The following WDR17 variants were observed in gnomAD, a reference collection of about 807,000 sequenced individuals.
WDR17 encodes the protein WD repeat-containing protein 17.
WDR17 carries 143 observed loss-of-function variants against 161.7 expected under a neutral mutation model. The observed-to-expected ratio is 0.88, with a 90% CI of 0.77 to 1.02. The LOEUF (loss-of-function observed/expected upper bound fraction) is 1.02. Ranked by LOEUF, WDR17 falls within the 50% of genes least tolerant of loss-of-function variation. The pLI is 0.00. For missense variants in WDR17, 1,469 were observed against 1,520.9 expected (o/e 0.97, Z 0.57); for synonymous variants, 517 against 515.6 (o/e 1.00, Z -0.04).
At chr4:176,133,291 AG>A (rs1743845277) in intron 7 of WDR17, among the ~76,000 whole-genome samples, 1 of 144,478 alleles carries the variant, frequency 6.9e-6, no homozygotes, top group African/African-American at 2.5e-5. Context: ...GAAGAAGAAA[AG>A]AGAAAGGAAA....
chr4:176,078,719 G>C (rs770175466), intron 1 of WDR17, among the ~76,000 whole-genome samples: 1 of 151,910 alleles, frequency 6.6e-6, no homozygotes, highest in Non-Finnish European at 1.5e-5. Flanking sequence ...TTTGATCTTT[G>C]TCATGGGCTT....
chr4:176,117,599 A>C (rs1485289064), intron 3 of WDR17, among the ~76,000 whole-genome samples: 1 of 152,006 alleles, frequency 6.6e-6, no homozygotes, highest in Non-Finnish European at 1.5e-5. Flanking sequence ...ACATCCATTC[A>C]TGGGGGAAGA....
chr4:176,094,022 TTATAA>T (rs1418689946), intron 1 of WDR17, among the ~76,000 whole-genome samples: 5 of 152,300 alleles, frequency 3.3e-5, no homozygotes, highest in African/African-American at 1.2e-4. Context: ...TACACTGGAC[TTATAA>T]TAGTATAATA....
At chr4:176,103,389 A>T (rs1260637299) in intron 1 of WDR17, among the ~76,000 whole-genome samples, 2 of 152,178 alleles carry the variant, frequency 1.3e-5, no homozygotes, top group African/African-American at 4.8e-5. Flanking sequence ...GGGTTCAACA[A>T]AAAGCCACAA....
In WDR17 at chr4:176,119,819, A is replaced by G. The variant is rs202006261; in HGVS notation, c.308-48A>G. 697 of 1,500,800 alleles carry G rather than the reference A, an allele frequency of 4.6e-4. 2 individuals are homozygous for G. In the African/African-American group the frequency reaches 8.7e-3, roughly 19 times the overall value. The allele number at this position is 1,500,800 out of a possible 1,614,324, so 93.0% of individuals were successfully genotyped here. Reference sequence around the variant, plus strand: ...CAGGGCAAGTAATATTTAATGGTGTAATCTTATGCTGTATCTTTATTATGT... The same window carrying G: ...CAGGGCAAGTAATATTTAATGGTGTGATCTTATGCTGTATCTTTATTATGT... On this transcript the variant is annotated intron_variant, in intron 3 of 28. Coordinates refer to ENST00000508596, the MANE Select transcript of WDR17 (RefSeq NM_181265.4).
At chr4:176,178,984 G>A (rs908587789) in intron 28 of WDR17, among the ~76,000 whole-genome samples, 5 of 151,992 alleles carry the variant, frequency 3.3e-5, no homozygotes, top group Admixed American at 2.6e-4. Flanking sequence ...TATTTTAAAC[G>A]ATATATACAA....
chr4:176,177,294 T>C, intron 27 of WDR17, 138 bp downstream of exon 27: 1 of 978,400 alleles, frequency 1.0e-6, no homozygotes, highest in Non-Finnish European at 1.5e-6. Flanking sequence ...CAGTAATAAT[T>C]TACAATACCG....
At chr4:176,108,082 A>G (rs1739085667) in intron 1 of WDR17, among the ~76,000 whole-genome samples, 1 of 151,342 alleles carries the variant, frequency 6.6e-6, no homozygotes, top group African/African-American at 2.4e-5. Flanking sequence ...TCTATCACCC[A>G]GGCTGGAGTG....
intron 11 of WDR17, among the ~76,000 whole-genome samples, chr4:176,145,198 G>T (rs1407084454): frequency 6.6e-6 from 1 of 152,160 alleles, no homozygotes; most frequent in Non-Finnish European, 1.5e-5. Context: ...TAGAGTAGAT[G>T]TTCCTCAAAT....
chr4:176,127,928 C>A (rs1166234896), intron 5 of WDR17, among the ~76,000 whole-genome samples: 2 of 152,178 alleles, frequency 1.3e-5, no homozygotes, highest in Admixed American at 1.3e-4. Flanking sequence ...TTTCTGGCTT[C>A]TTTCACTTAA....
At position 176,066,077 on chromosome 4, in the gene WDR17, C is replaced by T. The variant is rs1382555839; in HGVS notation, c.-9C>T. The T allele has an allele frequency of 1.3e-5, 2 of 152,430 alleles. No homozygotes were observed. Among genetic ancestry groups the T allele is most frequent in the Non-Finnish European group, 2.9e-5 (2 of 68,232 alleles). The allele number at this position is 152,430 out of a possible 1,614,324, so 9.4% of individuals were successfully genotyped here. A position where few individuals can be genotyped will look rare whatever the true frequency, so the allele number is the denominator to read the frequency against. Reference sequence around the variant, plus strand: ...CCGCCGCTGCAGCCGCCTCCTCCTCCAGGTAAGAAGCCGGTGGGGCCGCAG... The same window carrying T: ...CCGCCGCTGCAGCCGCCTCCTCCTCTAGGTAAGAAGCCGGTGGGGCCGCAG... On this transcript the variant is annotated splice_region_variant and 5_prime_UTR_variant, in exon 1 of 29. Transcript: ENST00000508596.
chr4:176,118,625 G>A (rs1741033840), intron 3 of WDR17, among the ~76,000 whole-genome samples: 1 of 151,962 alleles, frequency 6.6e-6, no homozygotes, highest in Non-Finnish European at 1.5e-5. Context: ...CTCTTCCTGG[G>A]AAATACTGCT....
chr4:176,136,207 A>G, intron 8 of WDR17, among the ~76,000 whole-genome samples: 1 of 151,676 alleles, frequency 6.6e-6, no homozygotes, highest in Non-Finnish European at 1.5e-5. Flanking sequence ...AGAATTACAG[A>G]AAAAGGTTTT....
At chr4:176,090,322 A>T (rs952456269) in intron 1 of WDR17, among the ~76,000 whole-genome samples, 1 of 150,278 alleles carries the variant, frequency 6.7e-6, no homozygotes, top group African/African-American at 2.5e-5. Flanking sequence ...TTTCCACGTC[A>T]TCTCTGCGCA....
At chr4:176,084,332 G>C (rs1003243194) in intron 1 of WDR17, among the ~76,000 whole-genome samples, 2 of 152,246 alleles carry the variant, frequency 1.3e-5, no homozygotes, top group East Asian at 3.9e-4. Flanking sequence ...AGCAAGAAAG[G>C]CAGCAAGGAG....
At position 176,167,656 on chromosome 4, in the gene WDR17, A is replaced by AAAAAAAAAAC. The variant is rs1384158956; in HGVS notation, c.2991-1007_2991-1006insCAAAAAAAAA. Among the ~76,000 whole-genome samples the AAAAAAAAAAC allele has an allele frequency of 7.8e-4, 91 of 116,290 alleles. 3 individuals carry two copies. Among genetic ancestry groups the AAAAAAAAAAC allele is most frequent in the African/African-American group, 2.6e-3 (89 of 34,638 alleles). 76.3% of individuals were successfully genotyped at this position (116,290 alleles called of 152,430 possible). A position where few individuals can be genotyped will look rare whatever the true frequency, so the allele number is the denominator to read the frequency against. ...CGAGACTCCGTCTCAAAAAAAAAAA[A>AAAAAAAAAAC]AAAAAAAAAAAAAAAACAATATCTT... On this transcript the variant is annotated intron_variant, in intron 22 of 28. Transcript: ENST00000508596.
At chr4:176,161,501 C>A (rs1749029702) in intron 20 of WDR17, among the ~76,000 whole-genome samples, 1 of 151,938 alleles carries the variant, frequency 6.6e-6, no homozygotes, top group Non-Finnish European at 1.5e-5. Context: ...GCCTTCTAAC[C>A]TTTTTTTAAT....
intron 1 of WDR17, among the ~76,000 whole-genome samples, chr4:176,095,032 T>C (rs1295977557): frequency 6.6e-6 from 1 of 152,076 alleles, no homozygotes. Flanking sequence ...GGTTGTGTTA[T>C]GGGAGACACA....
chr4:176,081,445 C>T (rs1734735832), intron 1 of WDR17, among the ~76,000 whole-genome samples: 2 of 152,014 alleles, frequency 1.3e-5, no homozygotes, highest in Admixed American at 1.3e-4. Context: ...TTCTTGGCCA[C>T]CTAAATCATA....
Sources: allele counts gnomAD v4.1 joint callset (sites outside exome capture counted in the v4.1 genomes callset), GRCh38; gene constraint gnomAD v4.1.1; transcripts MANE v1.5; gene names NCBI Gene and HGNC (gene_info 2026-07-23, HGNC 2026-07-21).